Variants in RBM10 observed in about 807,000 individuals in gnomAD.
RBM10 encodes the protein RNA-binding protein 10.
A neutral mutation model predicts 84.9 loss-of-function variants in RBM10; 1 was observed. The ratio of observed to expected loss-of-function variants is 0.01; its 90% CI spans 0.00 to 0.06. RBM10 has a LOEUF of 0.06. Ranked by LOEUF, RBM10 falls within the 10% of genes least tolerant of loss-of-function variation. RBM10 has a pLI of 1.00. For synonymous variants in RBM10, 326 were observed against 344.5 expected (o/e 0.95, Z 0.60); for missense variants, 438 against 839.0 (o/e 0.52, Z 5.90).
rs782017174 is a variant in RBM10 at position 47,173,077 on chromosome X, C to G, written c.433-51C>G. ...GAGGCCTCCAGCCAGCCTCAGGTAC[C>G]CAGCGGCCCCATTGTGCTGAGCCTG... is the stretch of plus-strand genomic sequence containing the variant. On this transcript the variant is annotated intron_variant, in intron 4 of 23. Coordinates refer to ENST00000377604, the MANE Select transcript of RBM10 (RefSeq NM_005676.5). 23 of 1,210,732 alleles carry G rather than the reference C, an allele frequency of 1.9e-5. 1 individual carries two copies. In the South Asian group the frequency reaches 4.1e-4, roughly 21 times the overall value.
chrX:47,184,153 G>C (rs992756957), intron 17 of RBM10, among the ~76,000 whole-genome samples: 29 of 111,725 alleles, frequency 2.6e-4, no homozygotes, highest in African/African-American at 9.4e-4. Flanking sequence ...TTTTGAGATG[G>C]AGTTTCACTC....
rs1024873273 is a variant in RBM10 at position 47,168,628 on chromosome X, T to G, written c.18-687T>G. The stretch of plus-strand genomic sequence containing the variant: ...GTTATTGCGGTAGGAGAAATTTTAA[T>G]GAAAGAGCTGCTAGTGTCGGCAAGG... On this transcript the variant is annotated intron_variant, in intron 2 of 23. Transcript: ENST00000377604. Among the ~76,000 whole-genome samples, 19 of 111,122 alleles carry G rather than the reference T, an allele frequency of 1.7e-4. 1 individual carries two copies. Among genetic ancestry groups the G allele is most frequent in the Admixed American group, 8.7e-4 (9 of 10,380 alleles).
At chrX:47,159,873 C>T (rs1466891201) in intron 2 of RBM10, among the ~76,000 whole-genome samples, 1 of 112,455 alleles carries the variant, frequency 8.9e-6, no homozygotes, top group East Asian at 2.8e-4. Context: ...CGCGGTGGCT[C>T]ATGCCTGTAA....
chrX:47,181,392 A>C lies in RBM10; in HGVS notation c.1426A>C (p.Thr476Pro), dbSNP rs2147186309. The C allele has an allele frequency of 8.3e-7, 1 of 1,207,716 alleles. No homozygotes were observed. The highest frequency in any genetic ancestry group is 1.1e-6 in the Non-Finnish European group (1 of 893,110). The change falls in exon 13 of 24, where the codon ACT becomes CCT. Residue 476 changes from threonine (T) to proline (P), a missense_variant. Physicochemically the swap from Thr to Pro is conservative, Grantham distance 38. Coordinates refer to ENST00000377604, the MANE Select transcript of RBM10 (RefSeq NM_005676.5). ...CATCACTGGAACCAAAGGGGATCCC[A>C]CTGGAGCAGGTGAGCCCCAGCATCT... Reference protein sequence around the residue: ...PGITGTKGDPTGAGPEASLEP... With the variant: ...PGITGTKGDPPGAGPEASLEP...
intron 4 of RBM10, 30 bp downstream of exon 4, chrX:47,171,288 G>A (rs1556773028): frequency 2.5e-6 from 3 of 1,204,541 alleles, no homozygotes; most frequent in Admixed American, 2.2e-5. Context: ...CCGGGCAGGA[G>A]GCCAGGCTGG....
At chrX:47,178,375 A>C (rs1378031396) in intron 7 of RBM10, among the ~76,000 whole-genome samples, 2 of 111,452 alleles carry the variant, frequency 1.8e-5, no homozygotes, top group Non-Finnish European at 3.8e-5. Flanking sequence ...GCTTCTGTGC[A>C]GGGACTGTCC....
chrX:47,162,613 C>T (rs910979923), intron 2 of RBM10, among the ~76,000 whole-genome samples: 1 of 111,040 alleles, frequency 9.0e-6, no homozygotes, highest in Non-Finnish European at 1.9e-5. Flanking sequence ...TGGTGGCTCA[C>T]GCCTGTAATC....
intron 2 of RBM10, among the ~76,000 whole-genome samples, chrX:47,151,686 G>A (rs782709708): frequency 8.9e-6 from 1 of 111,998 alleles, no homozygotes; most frequent in Non-Finnish European, 1.9e-5. Context: ...ATCTAGGGCT[G>A]ACAGGCAGCC....
At chrX:47,147,284 C>A in intron 1 of RBM10, 73 bp from the exon 2 acceptor site, 1 of 1,018,890 alleles carries the variant, frequency 9.8e-7, no homozygotes, top group Non-Finnish European at 1.3e-6. Flanking sequence ...AGAGCCTTGA[C>A]AATAAGAGTT....
At chrX:47,174,760 T>C (rs1934997286) in intron 5 of RBM10, among the ~76,000 whole-genome samples, 1 of 111,165 alleles carries the variant, frequency 9.0e-6, no homozygotes, top group African/African-American at 3.3e-5. Context: ...TCCCAGTTGG[T>C]GTGTGTGTCT....
At chrX:47,182,754 GAC>G (rs1220637300) in intron 17 of RBM10, among the ~76,000 whole-genome samples, 3 of 112,829 alleles carry the variant, frequency 2.7e-5, no homozygotes, top group Non-Finnish European at 5.6e-5. Flanking sequence ...GAAAGGGTGT[GAC>G]ACTGTGAGCG....
chrX:47,162,672 G>T (rs1329200815), intron 2 of RBM10, among the ~76,000 whole-genome samples: 1 of 109,668 alleles, frequency 9.1e-6, no homozygotes, highest in South Asian at 4.0e-4. Flanking sequence ...TCAGGAGATC[G>T]AGACCAGCCT....
chrX:47,159,389 CAA>C (rs1933467032), intron 2 of RBM10, among the ~76,000 whole-genome samples: 1 of 86,546 alleles, frequency 1.2e-5, no homozygotes, highest in South Asian at 5.5e-4. Context: ...GCCTGGGCAA[CAA>C]GAGCGAAACT....
rs2147135717 is a variant in RBM10 at position 47,171,124 on chromosome X, G to A, written c.298G>A (p.Gly100Ser). The change falls in exon 4 of 24, where the codon GGC becomes AGC. Residue 100 changes from glycine (G) to serine (S), a missense_variant. This residue lies in a region of RBM10 where 92 missense variants were observed against 134.3 expected (regional missense o/e 0.69). Transcript: ENST00000377604. Reference protein sequence around the residue: ...PTGPPGFPRDGDYRDQDYRTE... With the variant: ...PTGPPGFPRDSDYRDQDYRTE... ...CGGCCCGCCAGGCTTCCCCCGAGAC[G>A]GCGACTATCGGGACCAGGACTATCG... 3 of 1,210,877 alleles carry A rather than the reference G, an allele frequency of 2.5e-6. No homozygotes were observed. The highest frequency in any genetic ancestry group is 1.8e-5 in the South Asian group (1 of 56,789).
At chrX:47,158,410 T>G (rs1262364390) in intron 2 of RBM10, among the ~76,000 whole-genome samples, 2 of 111,297 alleles carry the variant, frequency 1.8e-5, no homozygotes, top group Non-Finnish European at 3.8e-5. Flanking sequence ...ACATACAGGT[T>G]GTTCTTTTTT....
At chrX:47,154,176 A>G (rs1932912791) in intron 2 of RBM10, among the ~76,000 whole-genome samples, 1 of 112,098 alleles carries the variant, frequency 8.9e-6, no homozygotes, top group Non-Finnish European at 1.9e-5. Flanking sequence ...ATCCTCATAT[A>G]TGATGATTCA....
intron 8 of RBM10, 77 bp from the exon 9 acceptor site, chrX:47,179,242 G>A (rs1437584547): frequency 8.4e-7 from 1 of 1,188,152 alleles, no homozygotes; most frequent in Non-Finnish European, 1.1e-6. Flanking sequence ...TGTGCTCAGG[G>A]CTTGGTATAG....
chrX:47,182,364 TG>T, intron 17 of RBM10, 38 bp downstream of exon 17: 4 of 1,183,823 alleles, frequency 3.4e-6, no homozygotes, highest in Non-Finnish European at 4.5e-6. Context: ...GCTGGCTGTG[TG>T]GTGTCTTCCA....
chrX:47,185,687 C>T (rs201566765), intron 20 of RBM10, 29 bp from the exon 21 acceptor site: 2 of 1,210,640 alleles, frequency 1.7e-6, no homozygotes, highest in Non-Finnish European at 2.2e-6. Flanking sequence ...GGCTCATCCT[C>T]TTCACTTCTC....
Sources: gnomAD v4.1 joint callset for allele counts (sites outside exome capture counted in the v4.1 genomes callset) on GRCh38, gnomAD v4.1.1 for gene constraint, gnomAD v4.1.1 regional missense constraint, MANE v1.5 for transcripts, NCBI Gene and HGNC (gene_info 2026-07-23, HGNC 2026-07-21) for gene names.